Variants in NTM observed in about 807,000 individuals in gnomAD.
NTM encodes neurotrimin, also known as IgLON family member 2.
NTM carries 13 observed loss-of-function variants against 42.1 expected under a neutral mutation model. The observed-to-expected ratio is 0.31, with a 90% CI of 0.20 to 0.49. The LOEUF (loss-of-function observed/expected upper bound fraction) is 0.49. NTM is among the 20% of genes least tolerant of loss of function. The probability of loss-of-function intolerance (pLI) is 0.99; values close to 1 mark genes in which losing one functional copy is unlikely to be tolerated. For synonymous variants in NTM, 187 were observed against 179.2 expected (o/e 1.04, Z -0.35); for missense variants, 373 against 452.8 (o/e 0.82, Z 1.60).
chr11:131,839,640 G>A (rs73583965), intron 1 of NTM, among the ~76,000 whole-genome samples: 10,345 of 152,260 alleles, frequency 0.068, 501 homozygotes, highest in Admixed American at 0.17. Context: ...CTTTTACTCT[G>A]ACAGTCACTG....
In NTM at chr11:131,983,911, A is replaced by G. The variant is rs576976445; in HGVS notation, c.167+72263A>G. Among the ~76,000 whole-genome samples, 6 of 152,370 alleles carry G rather than the reference A, an allele frequency of 3.9e-5. No individual in the cohort carries two copies. The East Asian group carries it at 1.2e-3, about 29-fold the overall frequency. The stretch of plus-strand genomic sequence containing the variant: ...CAGCCAAAGGAAGAGGACAGAATAT[A>G]GAAGAATACATAAGGGAGATTGTTA... On this transcript the variant is annotated intron_variant, in intron 2 of 8. Transcript: ENST00000683400.
chr11:131,442,746 T>C (rs533444423), intron 1 of NTM, among the ~76,000 whole-genome samples: 1 of 152,244 alleles, frequency 6.6e-6, no homozygotes, highest in African/African-American at 2.4e-5. Flanking sequence ...ACAAAGGACA[T>C]AATTTCATCG....
chr11:131,531,970 G>A (rs73574272), intron 1 of NTM, among the ~76,000 whole-genome samples: 4,604 of 152,236 alleles, frequency 0.03, 244 homozygotes, highest in African/African-American at 0.11. Context: ...GGGGAGAAAG[G>A]AAAGGTCATA....
intron 1 of NTM, chr11:131,795,196 C>A: frequency 3.0e-6 from 1 of 330,370 alleles, no homozygotes; most frequent in Non-Finnish European, 4.3e-6. Context: ...GTGGTGAAGG[C>A]TTACTCACGG....
intron 1 of NTM, among the ~76,000 whole-genome samples, chr11:131,766,564 TCA>T (rs1397180714): frequency 7.1e-6 from 1 of 141,804 alleles, no homozygotes; most frequent in Admixed American, 7.6e-5. Context: ...TTTCCAGGGG[TCA>T]CACAGCAGGC....
chr11:131,551,932 C>A (rs1252161401), intron 1 of NTM, among the ~76,000 whole-genome samples: 3 of 152,142 alleles, frequency 2.0e-5, no homozygotes, highest in Non-Finnish European at 4.4e-5. Context: ...ACCTCTTTGG[C>A]CATCCAACAC....
At chr11:132,099,289 T>A (rs1305427799) in intron 2 of NTM, among the ~76,000 whole-genome samples, 2 of 152,228 alleles carry the variant, frequency 1.3e-5, no homozygotes, top group East Asian at 1.9e-4. Context: ...GACTCATACA[T>A]TATTCCATTT....
At chr11:131,794,983 C>T in intron 1 of NTM, 2 of 985,312 alleles carry the variant, frequency 2.0e-6, no homozygotes, top group African/African-American at 3.5e-5. Context: ...GGAGGGGCAG[C>T]CTTGGGCAGG....
chr11:132,273,969 T>C (rs993045612), intron 4 of NTM, among the ~76,000 whole-genome samples: 2 of 152,210 alleles, frequency 1.3e-5, no homozygotes, highest in Non-Finnish European at 2.9e-5. Context: ...CAGTAGTTTG[T>C]ATCTATATGA....
chr11:131,794,072 A>ACTACT (rs2091272980), intron 1 of NTM, among the ~76,000 whole-genome samples: 2 of 152,234 alleles, frequency 1.3e-5, no homozygotes, highest in African/African-American at 4.8e-5. Context: ...CAGACTACTG[A>ACTACT]ACTCATGGAC....
chr11:131,718,812 C>T (rs991806507), intron 1 of NTM, among the ~76,000 whole-genome samples: 7 of 152,128 alleles, frequency 4.6e-5, no homozygotes, highest in Admixed American at 4.6e-4. Context: ...TTACCTCTCC[C>T]TGCACCACTC....
chr11:132,221,507 G>C (rs552358339), intron 4 of NTM, among the ~76,000 whole-genome samples: 31 of 152,252 alleles, frequency 2.0e-4, no homozygotes, highest in African/African-American at 6.5e-4. Context: ...GAGTGCAGGG[G>C]CTTCATTGCT....
chr11:131,682,617 G>C (rs534004643), intron 1 of NTM, among the ~76,000 whole-genome samples: 22 of 152,330 alleles, frequency 1.4e-4, no homozygotes, highest in African/African-American at 4.8e-4. Flanking sequence ...GCATGAGCCC[G>C]GTTCTCACTT....
intron 3 of NTM, among the ~76,000 whole-genome samples, chr11:132,174,776 C>T (rs2076562109): frequency 2.6e-5 from 4 of 152,150 alleles, no homozygotes; most frequent in Admixed American, 2.0e-4. Context: ...GCATTTAAAC[C>T]ACGATCGCCT....
chr11:132,130,716 C>A (rs1488772393), intron 2 of NTM, among the ~76,000 whole-genome samples: 1 of 152,172 alleles, frequency 6.6e-6, no homozygotes, highest in Non-Finnish European at 1.5e-5. Flanking sequence ...TCAAACAGCC[C>A]TGCCCCTCAG....
intron 1 of NTM, among the ~76,000 whole-genome samples, chr11:131,678,217 A>G (rs2071773942): frequency 6.6e-6 from 1 of 152,198 alleles, no homozygotes; most frequent in African/African-American, 2.4e-5. Context: ...TGTGCTGATG[A>G]GGCCCTGGAC....
chr11:131,736,327 C>A (rs939902783), intron 1 of NTM, among the ~76,000 whole-genome samples: 1 of 152,156 alleles, frequency 6.6e-6, no homozygotes, highest in Non-Finnish European at 1.5e-5. Context: ...TCATGGGCAC[C>A]TCTCCCTGCC....
At chr11:132,015,611 C>G (rs1168682491) in intron 2 of NTM, among the ~76,000 whole-genome samples, 1 of 144,524 alleles carries the variant, frequency 6.9e-6, no homozygotes, top group Non-Finnish European at 1.6e-5. Flanking sequence ...TCTTTTACCT[C>G]TGAAGTAAAA....
chr11:132,066,140 C>T (rs1278329749), intron 2 of NTM, among the ~76,000 whole-genome samples: 1 of 152,286 alleles, frequency 6.6e-6, no homozygotes, highest in East Asian at 1.9e-4. Flanking sequence ...TCATTATCAT[C>T]CCCCTTCCAA....
Sources: gnomAD v4.1 joint callset for allele counts (sites outside exome capture counted in the v4.1 genomes callset) on GRCh38, gnomAD v4.1.1 for gene constraint, MANE v1.5 for transcripts, NCBI Gene and HGNC (gene_info 2026-07-23, HGNC 2026-07-21) for gene names.